Variants in CACNA1C observed in about 807,000 individuals in gnomAD.
CACNA1C encodes voltage-dependent L-type calcium channel subunit alpha-1C.
CACNA1C carries 30 observed loss-of-function variants against 229.0 expected under a neutral mutation model. The ratio of observed to expected loss-of-function variants is 0.13; its 90% CI spans 0.10 to 0.18. The LOEUF is 0.18. Ranked by LOEUF, CACNA1C falls within the 10% of genes least tolerant of loss-of-function variation. CACNA1C has a pLI of 1.00. For missense variants in CACNA1C, 1,658 were observed against 2,845.0 expected (o/e 0.58, Z 9.49); for synonymous variants, 1,114 against 1,132.5 (o/e 0.98, Z 0.33).
intron 18 of CACNA1C, among the ~76,000 whole-genome samples, chr12:2,587,661 C>G (rs1386106772): frequency 6.6e-6 from 1 of 152,198 alleles, no homozygotes; most frequent in Non-Finnish European, 1.5e-5. Context: ...AGAAATGCCT[C>G]TCACGTAGCT....
chr12:2,101,691 C>T (rs1228125537), intron 1 of CACNA1C, among the ~76,000 whole-genome samples: 1 of 152,054 alleles, frequency 6.6e-6, no homozygotes, highest in Non-Finnish European at 1.5e-5. Context: ...CAAGGGTGCC[C>T]GCCCAGTTCA....
At chr12:2,168,948 G>T (rs1320513537) in intron 3 of CACNA1C, among the ~76,000 whole-genome samples, 1 of 152,148 alleles carries the variant, frequency 6.6e-6, no homozygotes, top group African/African-American at 2.4e-5. Context: ...TTCCTGGAGA[G>T]CAAAGAGTTC....
chr12:2,446,950 T>C (rs2099300783), intron 3 of CACNA1C, among the ~76,000 whole-genome samples: 1 of 152,162 alleles, frequency 6.6e-6, no homozygotes, highest in Non-Finnish European at 1.5e-5. Flanking sequence ...TGACACCTAA[T>C]GGATACCCAA....
intron 1 of CACNA1C, among the ~76,000 whole-genome samples, chr12:2,057,589 A>C (rs1037484979): frequency 6.6e-6 from 1 of 152,186 alleles, no homozygotes; most frequent in African/African-American, 2.4e-5. Context: ...TCGCGGCATC[A>C]CTGAGGGACC....
intron 3 of CACNA1C, among the ~76,000 whole-genome samples, chr12:2,342,073 C>T (rs1385355790): frequency 6.6e-6 from 1 of 152,132 alleles, no homozygotes. Flanking sequence ...CAGACTGTTT[C>T]CAAAGAGTAG....
intron 3 of CACNA1C, among the ~76,000 whole-genome samples, chr12:2,128,338 AAAAC>A (rs1317577657): frequency 3.3e-5 from 5 of 152,334 alleles, no homozygotes; most frequent in African/African-American, 1.2e-4. Flanking sequence ...ATTTAAAATA[AAAAC>A]AAACAAAATT....
rs1360780610 is a variant in CACNA1C, at chr12:2,648,523, C to A, written c.3945+16C>A. 3.1e-6 allele frequency: 5 copies of A among 1,613,308 alleles called. No individual in the cohort carries two copies. The highest frequency in any genetic ancestry group is 4.2e-6 in the Non-Finnish European group (5 of 1,179,288). On this transcript the variant is annotated intron_variant, in intron 31 of 46. Coordinates refer to ENST00000399655, the MANE Select transcript of CACNA1C (RefSeq NM_000719.7). ...TCCCTCTATGGTAAGACCAACCCTC[C>A]CGACCATGCTCCCGGCTTCCGTGTC...
chr12:2,151,127 C>A (rs1861979680), intron 3 of CACNA1C, among the ~76,000 whole-genome samples: 1 of 152,124 alleles, frequency 6.6e-6, no homozygotes, highest in Admixed American at 6.5e-5. Context: ...GTACAGGATT[C>A]CTATGGCCAC....
intron 1 of CACNA1C, among the ~76,000 whole-genome samples, chr12:1,986,639 G>C (rs2037866456): frequency 6.9e-6 from 1 of 145,088 alleles, no homozygotes; most frequent in South Asian, 2.2e-4. Context: ...GAAGTTTTTA[G>C]AAAGAGGAGT....
At chr12:2,356,080 G>A (rs959728536) in intron 3 of CACNA1C, among the ~76,000 whole-genome samples, 21 of 152,202 alleles carry the variant, frequency 1.4e-4, no homozygotes, top group African/African-American at 4.1e-4. Context: ...GAATCAAATC[G>A]AATTGAACCT....
chr12:2,680,617 A>G (rs765688209), intron 42 of CACNA1C: 16 of 1,495,768 alleles, frequency 1.1e-5, no homozygotes, highest in Non-Finnish European at 1.4e-5. Flanking sequence ...AATAATAGAG[A>G]AGTAGCAGCT....
intron 3 of CACNA1C, among the ~76,000 whole-genome samples, chr12:2,126,395 T>C (rs1403581929): frequency 6.6e-6 from 1 of 152,270 alleles, no homozygotes; most frequent in African/African-American, 2.4e-5. Context: ...GTTAGGTAGA[T>C]TGTCTGATGT....
chr12:2,665,360 G>A lies in CACNA1C; in HGVS notation c.4399-221G>A, dbSNP rs2096027230. On this transcript the variant is annotated intron_variant, in intron 35 of 46. Transcript: ENST00000399655. This position sits in a 1 kb window ranked among gnomAD's most constrained non-coding sequence, Gnocchi z 5.9. ...CCCTGCCCAGCAGCTCGGTAGGAGG[G>A]AAGCTGTCCAGCCCACCTGTGGGTT... is the stretch of plus-strand genomic sequence containing the variant. Among the ~76,000 whole-genome samples the A allele has an allele frequency of 6.6e-6, 1 of 152,186 alleles. No homozygotes were observed. The highest frequency in any genetic ancestry group is 2.1e-4 in the South Asian group (1 of 4,834).
chr12:2,013,492 A>G (rs1258829475), intron 1 of CACNA1C, among the ~76,000 whole-genome samples: 1 of 152,264 alleles, frequency 6.6e-6, no homozygotes, highest in Non-Finnish European at 1.5e-5. Context: ...ACTAATGGTT[A>G]TAATTTTTAA....
At chr12:1,982,678 A>AT (rs554170549) in intron 1 of CACNA1C, among the ~76,000 whole-genome samples, 4 of 152,074 alleles carry the variant, frequency 2.6e-5, no homozygotes, top group Non-Finnish European at 4.4e-5. Context: ...TACTATAAAC[A>AT]TTTTTTTGTT....
chr12:2,115,219 C>G lies in CACNA1C; in HGVS notation c.50-5C>G. On this transcript the variant is annotated splice_region_variant and splice_polypyrimidine_tract_variant and intron_variant, in intron 1 of 46. Coordinates refer to ENST00000399655, the MANE Select transcript of CACNA1C (RefSeq NM_000719.7). Reference sequence around the variant, plus strand: ...ACTGTTGTGTTCTTTTCTCTTTTGCCACAGGTTCCAACTATGGGAGCCCAC... The same window carrying G: ...ACTGTTGTGTTCTTTTCTCTTTTGCGACAGGTTCCAACTATGGGAGCCCAC... 2 of 1,544,238 alleles carry G rather than the reference C, an allele frequency of 1.3e-6. No homozygotes were observed. The highest frequency in any genetic ancestry group is 1.7e-6 in the Non-Finnish European group (2 of 1,144,018).
At chr12:2,421,324 T>A (rs975588708) in intron 3 of CACNA1C, among the ~76,000 whole-genome samples, 2 of 152,210 alleles carry the variant, frequency 1.3e-5, no homozygotes, top group Admixed American at 1.3e-4. Flanking sequence ...AAAGCAAGAC[T>A]CAGTCAATGT....
At position 2,486,476 on chromosome 12, in the gene CACNA1C, C is replaced by T. The variant is rs970120926; in HGVS notation, c.916+214C>T. Among the ~76,000 whole-genome samples the T allele has an allele frequency of 2.6e-5, 4 of 152,224 alleles. No individual in the cohort carries two copies. The highest frequency in any genetic ancestry group is 6.5e-5 in the Admixed American group (1 of 15,292). On this transcript the variant is annotated intron_variant, in intron 6 of 46. Transcript: ENST00000399655. This position sits in a 1 kb window ranked among gnomAD's most constrained non-coding sequence, Gnocchi z 4.9. Reference sequence around the variant, plus strand: ...TTTAATCTCTGTTAAACCGGCCTAACGCAAACTTCGTTCAGCACTTTTCAA... The same window carrying T: ...TTTAATCTCTGTTAAACCGGCCTAATGCAAACTTCGTTCAGCACTTTTCAA...
chr12:2,679,829 A>T lies in CACNA1C; in HGVS notation c.5444+33A>T. The T allele has an allele frequency of 5.6e-6, 8 of 1,440,112 alleles. No homozygotes were observed. Among genetic ancestry groups the T allele is most frequent in the Non-Finnish European group, 7.6e-6 (8 of 1,056,338 alleles). 89.2% of individuals were successfully genotyped at this position (1,440,112 alleles called of 1,614,324 possible). ...GGAGGCTGGCCACCCCAGGCGGCAC[A>T]CAGGGCCCACGTGCTGCAACCCTCA... On this transcript the variant is annotated intron_variant, in intron 42 of 46. Transcript: ENST00000399655. This position sits in a 1 kb window ranked among gnomAD's most constrained non-coding sequence, Gnocchi z 5.5.
Sources: gnomAD v4.1 joint callset for allele counts (sites outside exome capture counted in the v4.1 genomes callset) on GRCh38, gnomAD v4.1.1 for gene constraint, Gnocchi (gnomAD v3.1) non-coding constraint, MANE v1.5 for transcripts, NCBI Gene and HGNC (gene_info 2026-07-23, HGNC 2026-07-21) for gene names.